The following SCAF4 variants were observed in gnomAD, a reference collection of about 807,000 sequenced individuals.
SCAF4 encodes SR-related and CTD-associated factor 4.
In SCAF4, 25 loss-of-function variants were observed where a neutral mutation model predicts 129.8. The observed-to-expected ratio is 0.19, with a 90% CI of 0.14 to 0.27. The LOEUF is 0.27. Ranked by LOEUF, SCAF4 falls within the 10% of genes least tolerant of loss-of-function variation. The probability of loss-of-function intolerance (pLI) is 1.00; values close to 1 mark genes in which losing one functional copy is unlikely to be tolerated. For synonymous variants in SCAF4, 551 were observed against 497.7 expected (o/e 1.11, Z -1.43); for missense variants, 1,246 against 1,457.1 (o/e 0.86, Z 2.36).
chr21:31,675,243 A>C (rs2049823001), intron 19 of SCAF4, among the ~76,000 whole-genome samples: 1 of 152,204 alleles, frequency 6.6e-6, no homozygotes, highest in Non-Finnish European at 1.5e-5. Context: ...CATAAGGAGG[A>C]ACCTGGACTT....
At position 31,731,743 on chromosome 21, in the gene SCAF4, G is replaced by A. The variant is rs1304171646; in HGVS notation, c.-51C>T. 1.9e-6 allele frequency: 3 copies of A among 1,553,202 alleles called. No individual in the cohort carries two copies. Among genetic ancestry groups the A allele is most frequent in the South Asian group, 1.2e-5 (1 of 86,130 alleles). Reference sequence around the variant, plus strand: ...CGGGCCCGCCGGTCACATAGACCTCGCGCCGCGGCGGAGCGGGGCTGGGAA... The same window carrying A: ...CGGGCCCGCCGGTCACATAGACCTCACGCCGCGGCGGAGCGGGGCTGGGAA... On this transcript the variant is annotated 5_prime_UTR_variant, in exon 1 of 20. Coordinates refer to ENST00000286835, the MANE Select transcript of SCAF4 (RefSeq NM_020706.2).
chr21:31,677,917 T>C (rs2049899388), intron 19 of SCAF4, among the ~76,000 whole-genome samples: 1 of 152,184 alleles, frequency 6.6e-6, no homozygotes, highest in African/African-American at 2.4e-5. Flanking sequence ...CTGCAAGGGT[T>C]AAATGATTAA....
Position 31,687,794 on chromosome 21 carries a change from ATACATT to A in SCAF4, c.2043+507_2043+512del, listed in dbSNP as rs1419887126. The stretch of plus-strand genomic sequence containing the variant: ...TCTGGATGGATAGATGTAAGACAAT[ATACATT>A]TATTTTGGTTGTATAAACATTTATG... On this transcript the variant is annotated intron_variant, in intron 16 of 19. Transcript: ENST00000286835. Among the ~76,000 whole-genome samples, 4 of 152,146 alleles carry A rather than the reference ATACATT, an allele frequency of 2.6e-5. No homozygotes were observed. In the East Asian group the frequency reaches 7.7e-4, roughly 29 times the overall value.
Position 31,688,413 on chromosome 21 carries a change from C to G in SCAF4, c.1937G>C (p.Gly646Ala), listed in dbSNP as rs138768557. The change falls in exon 16 of 20, where the codon GGT becomes GCT. Residue 646 changes from glycine to alanine, a missense_variant. Around this residue, in one of 6 missense-constraint regions of SCAF4, gnomAD observed 468 missense variants for 605.5 expected, o/e 0.77. Coordinates refer to ENST00000286835, the MANE Select transcript of SCAF4 (RefSeq NM_020706.2). ...KPENEVAQNG[G>A]AETSHTEPVS... The stretch of plus-strand genomic sequence containing the variant: ...TGGTTCTGTGTGTGAGGTTTCAGCA[C>G]CTCCATTTTGAGCAACTTCATTTTC... 1.9e-6 allele frequency: 3 copies of G among 1,613,948 alleles called. No individual in the cohort carries two copies. The highest frequency in any genetic ancestry group is 8.5e-7 in the Non-Finnish European group (1 of 1,179,974).
At chr21:31,682,239 C>T (rs148903998) in intron 19 of SCAF4, among the ~76,000 whole-genome samples, 6 of 151,968 alleles carry the variant, frequency 3.9e-5, no homozygotes, top group South Asian at 2.1e-4. Context: ...ATCAGCTGGG[C>T]GTGGTGGCAC....
At chr21:31,682,114 T>G (rs1051704010) in intron 19 of SCAF4, among the ~76,000 whole-genome samples, 1 of 152,188 alleles carries the variant, frequency 6.6e-6, no homozygotes, top group East Asian at 1.9e-4. Context: ...GAGGCAACTA[T>G]GTCAAGATAA....
chr21:31,701,649 G>T, intron 6 of SCAF4, 127 bp downstream of exon 6: 2 of 965,852 alleles, frequency 2.1e-6, no homozygotes, highest in Non-Finnish European at 2.9e-6. Flanking sequence ...CTCTTGTGAA[G>T]GCTTTTCTAG....
chr21:31,696,576 C>T lies in SCAF4; in HGVS notation c.952G>A (p.Ala318Thr). 2 of 1,595,320 alleles carry T rather than the reference C, an allele frequency of 1.3e-6. No individual in the cohort carries two copies. Among genetic ancestry groups the T allele is most frequent in the Non-Finnish European group, 1.7e-6 (2 of 1,171,970 alleles). ...PAAASPPPPQAPFGFPGDGMQ... is the reference protein window; with the variant it reads ...PAAASPPPPQTPFGFPGDGMQ... ...ATAAAAAAAAAAACTAACAATGGTG[C>T]CTGTGGAGGAGGAGGAGAGGCAGCA... Residue 318 changes from alanine to threonine, a missense_variant, in exon 8 of 20, where the codon GCA becomes ACA. This residue lies in a region of SCAF4 where 236 missense variants were observed against 210.0 expected (regional missense o/e 1.12). Transcript: ENST00000286835.
intron 7 of SCAF4, chr21:31,700,757 T>C (rs182647272): frequency 1.3e-4 from 52 of 390,818 alleles, no homozygotes; most frequent in African/African-American, 1.0e-3. Flanking sequence ...TTTTTTTTTT[T>C]CACTTTTTTA....
Position 31,691,943 on chromosome 21 carries a change from A to G in SCAF4, c.1615-13T>C. ...TGGGAGGAATCATCTGCTCCAAAAC[A>G]TTTTAATATTATAAAAGATAACAAA... On this transcript the variant is annotated splice_polypyrimidine_tract_variant and intron_variant, in intron 13 of 19. Coordinates refer to ENST00000286835, the MANE Select transcript of SCAF4 (RefSeq NM_020706.2). 1.5e-6 allele frequency: 2 copies of G among 1,330,874 alleles called. No individual in the cohort carries two copies. The highest frequency in any genetic ancestry group is 1.3e-5 in the South Asian group (1 of 78,948). 82.4% of individuals were successfully genotyped at this position (1,330,874 alleles called of 1,614,324 possible). A position where few individuals can be genotyped will look rare whatever the true frequency, so the allele number is the denominator to read the frequency against.
chr21:31,712,732 G>A (rs994025556), intron 1 of SCAF4: 7 of 169,958 alleles, frequency 4.1e-5, no homozygotes, highest in African/African-American at 1.7e-4. Context: ...GTTTCACCAT[G>A]TTGGTCAGGC....
chr21:31,685,149 G>A lies in SCAF4; in HGVS notation c.2388C>T (p.Ala796=), dbSNP rs746577834. The A allele has an allele frequency of 9.9e-6, 16 of 1,612,770 alleles. 1 individual carries two copies. In the East Asian group the frequency reaches 1.8e-4, roughly 18 times the overall value. The change falls in exon 19 of 20, where the codon GCC becomes GCT. Residue 796 remains alanine (A), a synonymous_variant. Transcript: ENST00000286835. The stretch of plus-strand genomic sequence containing the variant: ...ACATTTTCACGCTGTCACCAGACTC[G>A]GCGTTTCCTCTAGCCCCAGACACCA... ...PTVVSGARGN[A]ESGDSVKMYG...
At chr21:31,700,552 TAAC>T (rs1246229316) in intron 7 of SCAF4, among the ~76,000 whole-genome samples, 1 of 151,950 alleles carries the variant, frequency 6.6e-6, no homozygotes, top group Non-Finnish European at 1.5e-5. Flanking sequence ...CTATTAACCT[TAAC>T]AACAACAAAA....
intron 1 of SCAF4, among the ~76,000 whole-genome samples, chr21:31,713,502 AAG>A (rs780806302): frequency 5.3e-5 from 8 of 152,298 alleles, no homozygotes; most frequent in Non-Finnish European, 7.4e-5. Context: ...TTTTGAGAAA[AAG>A]AGAGAATCCT....
intron 2 of SCAF4, 118 bp downstream of exon 2, chr21:31,706,156 G>T (rs1031721793): frequency 1.4e-6 from 1 of 699,810 alleles, no homozygotes; most frequent in Non-Finnish European, 2.5e-6. Flanking sequence ...GCAAAGGCTG[G>T]TTAGGGCTCT....
At position 31,702,347 on chromosome 21, in the gene SCAF4, T is replaced by C. The variant is rs761458034; in HGVS notation, c.354A>G (p.Gln118=). ...TTTCAATTTTGAACACTCCATTTTTTTGCCAAAGGTTCAGCACACGAACTA... is the reference window on the plus strand; with the variant it reads ...TTTCAATTTTGAACACTCCATTTTTCTGCCAAAGGTTCAGCACACGAACTA... ...SKIVRVLNLW[Q]KNGVFKIEII... Residue 118 remains glutamine, a synonymous_variant, in exon 5 of 20, where the codon CAA becomes CAG. Coordinates refer to ENST00000286835, the MANE Select transcript of SCAF4 (RefSeq NM_020706.2). 2 of 1,614,096 alleles carry C rather than the reference T, an allele frequency of 1.2e-6. No homozygotes were observed. Among genetic ancestry groups the C allele is most frequent in the East Asian group, 4.5e-5 (2 of 44,866 alleles).
intron 15 of SCAF4, 115 bp from the exon 16 acceptor site, chr21:31,688,579 A>G (rs1031993110): frequency 1.2e-6 from 1 of 811,742 alleles, no homozygotes; most frequent in South Asian, 1.8e-5. Context: ...AGAAATTCCC[A>G]TGCTAATTTT....
intron 13 of SCAF4, 30 bp from the exon 14 acceptor site, chr21:31,691,960 G>T: frequency 2.5e-6 from 3 of 1,224,466 alleles, no homozygotes; most frequent in African/African-American, 1.5e-5. Context: ...TATTATAAAA[G>T]ATAACAAAAT....
In SCAF4 at chr21:31,692,459, A is replaced by C; in HGVS notation, c.1514-10T>G. 1 of 1,582,264 alleles carries C rather than the reference A, an allele frequency of 6.3e-7. No individual in the cohort carries two copies. On this transcript the variant is annotated splice_polypyrimidine_tract_variant and intron_variant, in intron 12 of 19. Transcript: ENST00000286835. ...AGGGTAGTACTGCAAACTTAAAATA[A>C]AATTACAATCATAAAGAGATTCACA...
Sources: gnomAD v4.1 joint callset for allele counts (sites outside exome capture counted in the v4.1 genomes callset) on GRCh38, gnomAD v4.1.1 for gene constraint, gnomAD v4.1.1 regional missense constraint, MANE v1.5 for transcripts, NCBI Gene and HGNC (gene_info 2026-07-23, HGNC 2026-07-21) for gene names.